The following TECTA variants were observed in gnomAD, a reference collection of about 807,000 sequenced individuals.
The protein encoded by TECTA is tectorin alpha, also known as alpha-tectorin.
A neutral mutation model predicts 216.8 loss-of-function variants in TECTA; 128 were observed. The observed-to-expected ratio is 0.59, with a 90% CI of 0.51 to 0.68. The LOEUF is 0.68. Among genes scored for constraint, TECTA ranks in the 30% least tolerant of loss-of-function variants. The probability of loss-of-function intolerance (pLI) is 0.00; values close to 1 mark genes in which losing one functional copy is unlikely to be tolerated. For synonymous variants in TECTA, 1,089 were observed against 1,117.1 expected (o/e 0.97, Z 0.50); for missense variants, 2,551 against 2,786.2 (o/e 0.92, Z 1.90).
intron 12 of TECTA, among the ~76,000 whole-genome samples, chr11:121,146,500 G>C (rs959657636): frequency 6.6e-6 from 1 of 152,134 alleles, no homozygotes; most frequent in South Asian, 2.1e-4. Context: ...TTAATAATCC[G>C]CATGCTTTGT....
rs142594471 is a variant in TECTA at position 121,139,022 on chromosome 11, T to C, written c.3543+1000T>C. Among the ~76,000 whole-genome samples, 909 of 152,326 alleles carry C rather than the reference T, an allele frequency of 6.0e-3. 10 individuals are homozygous for C. Among genetic ancestry groups the C allele is most frequent in the African/African-American group, 0.021 (861 of 41,582 alleles). On this transcript the variant is annotated intron_variant, in intron 11 of 23. Coordinates refer to ENST00000392793, the MANE Select transcript of TECTA (RefSeq NM_005422.4). ...TTCCCTGGGCAACTATACTGACTTCTTTTCCTGCCTCGGGATTTCCTCAAC... is the reference window on the plus strand; with the variant it reads ...TTCCCTGGGCAACTATACTGACTTCCTTTCCTGCCTCGGGATTTCCTCAAC...
At chr11:121,141,788 T>A (rs1346793559) in intron 11 of TECTA, among the ~76,000 whole-genome samples, 1 of 152,222 alleles carries the variant, frequency 6.6e-6, no homozygotes, top group Non-Finnish European at 1.5e-5. Context: ...TGATGTCTGT[T>A]CTCTACCAAG....
intron 23 of TECTA, 194 bp downstream of exon 23, chr11:121,190,074 CA>C (rs1768256201): frequency 1.0e-5 from 6 of 595,376 alleles, no homozygotes; most frequent in Admixed American, 5.9e-5. Flanking sequence ...ACAACAACAA[CA>C]AAAAAACCTT....
intron 13 of TECTA, among the ~76,000 whole-genome samples, chr11:121,153,660 C>T (rs1006212228): frequency 6.6e-6 from 1 of 152,144 alleles, no homozygotes; most frequent in Admixed American, 6.5e-5. Context: ...CCCCCACATC[C>T]CACCCTCTGC....
chr11:121,187,646 A>G (rs959217844), intron 20 of TECTA, among the ~76,000 whole-genome samples, 186 bp from the exon 21 acceptor site: 1 of 152,244 alleles, frequency 6.6e-6, no homozygotes, highest in Non-Finnish European at 1.5e-5. Flanking sequence ...AAAACAAACT[A>G]TGAAAACATG....
chr11:121,166,866 C>T (rs1947059665), intron 18 of TECTA, 86 bp downstream of exon 18: 7 of 1,485,920 alleles, frequency 4.7e-6, no homozygotes, highest in Non-Finnish European at 6.5e-6. Context: ...AAACCAACTT[C>T]AGGGTGATCT....
In TECTA at chr11:121,137,520, C is replaced by G; in HGVS notation, c.3041C>G (p.Ser1014Cys). ...TLGPICVDSC[S>C]EGCQCDEGYA... Reference sequence around the variant, plus strand: ...GGCCCCATCTGCGTGGATAGCTGCTCTGAGGGATGTCAGTGTGATGAGGGC... The same window carrying G: ...GGCCCCATCTGCGTGGATAGCTGCTGTGAGGGATGTCAGTGTGATGAGGGC... Residue 1014 changes from serine (S) to cysteine (C), a missense_variant, in exon 11 of 24, where the codon TCT (serine) becomes TGT (cysteine). Ser to Cys is a moderately radical substitution (Grantham distance 112). Coordinates refer to ENST00000392793, the MANE Select transcript of TECTA (RefSeq NM_005422.4). 6.2e-7 allele frequency: 1 copy of G among 1,613,926 alleles called. No individual in the cohort carries two copies. Among genetic ancestry groups the G allele is most frequent in the Non-Finnish European group, 8.5e-7 (1 of 1,179,976 alleles).
chr11:121,145,088 G>A (rs1190506712), intron 11 of TECTA, among the ~76,000 whole-genome samples: 1 of 152,088 alleles, frequency 6.6e-6, no homozygotes, highest in Admixed American at 6.5e-5. Flanking sequence ...GGTGGAGAGT[G>A]GCATTTCAGA....
intron 9 of TECTA, among the ~76,000 whole-genome samples, chr11:121,129,000 T>G (rs1449030987): frequency 6.6e-6 from 1 of 152,246 alleles, no homozygotes; most frequent in Non-Finnish European, 1.5e-5. Context: ...CCACAGCTAA[T>G]TGTTGCAGAA....
chr11:121,141,853 G>A (rs1180191864), intron 11 of TECTA, among the ~76,000 whole-genome samples: 2 of 152,228 alleles, frequency 1.3e-5, no homozygotes, highest in Non-Finnish European at 2.9e-5. Context: ...AGAGCTTAGA[G>A]TCTAGCGCAA....
chr11:121,113,518 G>A lies in TECTA; in HGVS notation c.625-35G>A. 6.2e-7 allele frequency: 1 copy of A among 1,613,924 alleles called. No individual in the cohort carries two copies. The highest frequency in any genetic ancestry group is 8.5e-7 in the Non-Finnish European group (1 of 1,179,954). ...GCCAGTTAACCCATGGGGAATTTTTGTACTCAAAAATCTTGTCTTCCTTTT... is the reference window on the plus strand; with the variant it reads ...GCCAGTTAACCCATGGGGAATTTTTATACTCAAAAATCTTGTCTTCCTTTT... On this transcript the variant is annotated intron_variant, in intron 5 of 23. Transcript: ENST00000392793. This position sits in a 1 kb window ranked among gnomAD's most constrained non-coding sequence, Gnocchi z 4.2.
At position 121,145,739 on chromosome 11, in the gene TECTA, G is replaced by A. The variant is rs376745254; in HGVS notation, c.3728G>A (p.Arg1243His). 2.8e-5 allele frequency: 46 copies of A among 1,614,212 alleles called. No individual in the cohort carries two copies. Among genetic ancestry groups the A allele is most frequent in the African/African-American group, 2.5e-4 (19 of 75,062 alleles). Residue 1243 changes from arginine (R) to histidine (H), a missense_variant, in exon 12 of 24, where the codon CGC becomes CAC. Physicochemically the swap from Arg to His is conservative, Grantham distance 29. Coordinates refer to ENST00000392793, the MANE Select transcript of TECTA (RefSeq NM_005422.4). ...MQNSTYGLCG[R>H]YNGNPDDDLE... ...AACAGCACCTATGGTCTGTGTGGCC[G>A]CTACAACGGCAACCCTGATGATGAC...
At chr11:121,138,547 G>A (rs1459050854) in intron 11 of TECTA, among the ~76,000 whole-genome samples, 5 of 152,142 alleles carry the variant, frequency 3.3e-5, no homozygotes, top group African/African-American at 1.2e-4. Flanking sequence ...AGGGATCTGT[G>A]AGTTCATGAG....
At chr11:121,151,462 G>A (rs137882979) in intron 12 of TECTA, among the ~76,000 whole-genome samples, 12 of 152,282 alleles carry the variant, frequency 7.9e-5, no homozygotes, top group Non-Finnish European at 1.3e-4. Context: ...AGAAAGCAAT[G>A]AGCAGAAATG....
intron 20 of TECTA, among the ~76,000 whole-genome samples, chr11:121,173,784 A>G (rs923484364): frequency 4.2e-4 from 64 of 152,078 alleles, no homozygotes; most frequent in Non-Finnish European, 5.1e-4. Context: ...CTTGGGCAGC[A>G]TGGCCATTTT....
Position 121,125,859 on chromosome 11 carries a change from C to A in TECTA, c.1761C>A (p.Thr587=). ...GCATTCCAATTGGAGACTGGCGAAC[C>A]CAGACTGGGTGTGGTAAGCTGGCAT... ...ALGIPIGDWR[T]QTGCVSTVQC... The change falls in exon 8 of 24, where the codon ACC becomes ACA. Residue 587 remains threonine (T), a synonymous_variant. Transcript: ENST00000392793. 1.2e-6 allele frequency: 2 copies of A among 1,609,132 alleles called. No individual in the cohort carries two copies. The highest frequency in any genetic ancestry group is 1.1e-5 in the South Asian group (1 of 91,062).
Position 121,118,608 on chromosome 11 carries a change from G to T in TECTA, c.1093G>T (p.Ala365Ser), listed in dbSNP as rs760682523. The T allele has an allele frequency of 2.5e-6, 4 of 1,614,138 alleles. No homozygotes were observed. The highest frequency in any genetic ancestry group is 3.4e-6 in the Non-Finnish European group (4 of 1,180,030). ...CAGCCTCCCTTTCTTCAGTGTGGAGGCCAAGAATGAACACCGCAGAGGTTC... is the reference window on the plus strand; with the variant it reads ...CAGCCTCCCTTTCTTCAGTGTGGAGTCCAAGAATGAACACCGCAGAGGTTC... ...TSSLPFFSVEAKNEHRRGSAV... is the reference protein window; with the variant it reads ...TSSLPFFSVESKNEHRRGSAV... The change falls in exon 7 of 24, where the codon GCC becomes TCC. Residue 365 changes from alanine to serine, a missense_variant. Transcript: ENST00000392793.
At chr11:121,176,590 C>G (rs1441337676) in intron 20 of TECTA, among the ~76,000 whole-genome samples, 16 of 139,096 alleles carry the variant, frequency 1.2e-4, no homozygotes, top group South Asian at 2.4e-4. Flanking sequence ...TGACCTTTCT[C>G]TCTGGCTGCC....
In TECTA at chr11:121,137,747, T is replaced by C. The variant is rs755367558; in HGVS notation, c.3268T>C (p.Tyr1090His). Residue 1090 changes from tyrosine (Y) to histidine (H), a missense_variant, in exon 11 of 24, where the codon TAC becomes CAC. Coordinates refer to ENST00000392793, the MANE Select transcript of TECTA (RefSeq NM_005422.4). ...GTACTGCATGGAGGAAGGTGGCCTGTACTACTGCCAAGCCCGCACCGACGC... is the reference window on the plus strand; with the variant it reads ...GTACTGCATGGAGGAAGGTGGCCTGCACTACTGCCAAGCCCGCACCGACGC... ...DEYCMEEGGL[Y>H]YCQARTDASC... The C allele has an allele frequency of 2.5e-5, 40 of 1,614,038 alleles. No individual in the cohort carries two copies. The highest frequency in any genetic ancestry group is 3.1e-5 in the Non-Finnish European group (37 of 1,180,040).
Sources: allele counts gnomAD v4.1 joint callset (sites outside exome capture counted in the v4.1 genomes callset), GRCh38; gene constraint gnomAD v4.1.1; non-coding constraint Gnocchi (gnomAD v3.1); transcripts MANE v1.5; gene names NCBI Gene and HGNC (gene_info 2026-07-23, HGNC 2026-07-21).